Variants in MAP2 observed in about 807,000 individuals in gnomAD.
The protein encoded by MAP2 is microtubule-associated protein 2.
MAP2 carries 14 observed loss-of-function variants against 137.6 expected under a neutral mutation model. The observed-to-expected ratio is 0.10, with a 90% CI of 0.07 to 0.16. The LOEUF is 0.16. Ranked by LOEUF, MAP2 falls within the 10% of genes least tolerant of loss-of-function variation. The probability of loss-of-function intolerance (pLI) is 1.00; values close to 1 mark genes in which losing one functional copy is unlikely to be tolerated. For synonymous variants in MAP2, 786 were observed against 782.3 expected, an observed-to-expected ratio of 1.00 and a Z score of -0.08; for missense variants, 2,088 against 2,191.5, an observed-to-expected ratio of 0.95 and a Z score of 0.94.
intron 1 of MAP2, among the ~76,000 whole-genome samples, chr2:209,433,342 T>C (rs1230866988): frequency 6.6e-6 from 1 of 152,016 alleles, no homozygotes; most frequent in Non-Finnish European, 1.5e-5. Flanking sequence ...AGGAAAAGCT[T>C]TCAAGTGAGA....
At chr2:209,729,790 TG>T in intron 14 of MAP2, 59 bp from the exon 15 acceptor site, 3 of 1,129,244 alleles carry the variant, frequency 2.7e-6, no homozygotes, top group Non-Finnish European at 4.0e-6. Context: ...CAGTCATTTT[TG>T]GGAAATAGTT....
chr2:209,433,157 A>G (rs572709758), intron 1 of MAP2, among the ~76,000 whole-genome samples: 1 of 152,302 alleles, frequency 6.6e-6, no homozygotes, highest in African/African-American at 2.4e-5. Context: ...TGGAGCTAAC[A>G]TTCTAGCAGC....
chr2:209,644,758 G>T (rs2094306076), intron 4 of MAP2, among the ~76,000 whole-genome samples: 1 of 151,386 alleles, frequency 6.6e-6, no homozygotes, highest in Non-Finnish European at 1.5e-5. Context: ...TTGCTATCAT[G>T]GTTTGGTTAT....
intron 1 of MAP2, among the ~76,000 whole-genome samples, chr2:209,495,232 G>T (rs1308546790): frequency 2.6e-5 from 4 of 152,218 alleles, no homozygotes; most frequent in Non-Finnish European, 5.9e-5. Flanking sequence ...CAGAGCACCT[G>T]GGGGAAGAGG....
chr2:209,694,609 A>C lies in MAP2; in HGVS notation c.2439A>C (p.Ala813=), dbSNP rs1328363506. The change falls in exon 8 of 16, where the codon GCA becomes GCC. Residue 813 remains alanine, a synonymous_variant. Transcript: ENST00000682079. ...ACCTTCCTGAAATGCTAGATCTGGC[A>C]GGCACAAGGTCAAGATTGGCTTCTG... ...APDLPEMLDL[A]GTRSRLASVS... The C allele has an allele frequency of 6.2e-7, 1 of 1,614,072 alleles. No homozygotes were observed. The highest frequency in any genetic ancestry group is 1.7e-5 in the Admixed American group (1 of 60,010).
intron 1 of MAP2, among the ~76,000 whole-genome samples, chr2:209,502,999 C>CTTTTT (rs71043931): frequency 4.6e-5 from 6 of 131,332 alleles, no homozygotes; most frequent in African/African-American, 8.6e-5. Context: ...GATTTTTTTT[C>CTTTTT]TTTTTTTTTT....
At chr2:209,478,872 A>G (rs1429926838) in intron 1 of MAP2, among the ~76,000 whole-genome samples, 1 of 152,166 alleles carries the variant, frequency 6.6e-6, no homozygotes, top group East Asian at 1.9e-4. Flanking sequence ...TTCTCCCTCT[A>G]ATGAAATAGG....
chr2:209,586,845 T>C (rs1579288920), intron 3 of MAP2, among the ~76,000 whole-genome samples: 1 of 152,052 alleles, frequency 6.6e-6, no homozygotes, highest in Non-Finnish European at 1.5e-5. Context: ...AAATGAGAAA[T>C]GATTGGAGGA....
chr2:209,607,422 T>A (rs1258109586), intron 3 of MAP2, among the ~76,000 whole-genome samples: 1 of 152,058 alleles, frequency 6.6e-6, no homozygotes, highest in Non-Finnish European at 1.5e-5. Context: ...AAATTAATGT[T>A]TCATTTGTTT....
intron 3 of MAP2, among the ~76,000 whole-genome samples, chr2:209,594,220 T>G (rs1366051534): frequency 6.6e-6 from 1 of 151,512 alleles, no homozygotes; most frequent in African/African-American, 2.4e-5. Context: ...GTAAGATCTT[T>G]GCACATCCAC....
chr2:209,436,186 G>T (rs187099664), intron 1 of MAP2, among the ~76,000 whole-genome samples: 57 of 150,902 alleles, frequency 3.8e-4, no homozygotes, highest in Non-Finnish European at 6.2e-4. Flanking sequence ...GTGTGTATAT[G>T]TATGTTAACA....
intron 4 of MAP2, among the ~76,000 whole-genome samples, chr2:209,638,944 T>C (rs2093788053): frequency 1.3e-5 from 2 of 152,200 alleles, no homozygotes; most frequent in Non-Finnish European, 2.9e-5. Context: ...TTGATAATGA[T>C]CTTAAAATTA....
intron 2 of MAP2, among the ~76,000 whole-genome samples, chr2:209,564,826 C>G (rs1205106697): frequency 6.6e-6 from 1 of 152,072 alleles, no homozygotes; most frequent in African/African-American, 2.4e-5. Context: ...CATTTCTGAG[C>G]TCCACTTCCA....
intron 5 of MAP2, among the ~76,000 whole-genome samples, chr2:209,659,817 T>C (rs1174107204): frequency 7.3e-5 from 11 of 151,578 alleles, no homozygotes; most frequent in Admixed American, 7.2e-4. Flanking sequence ...GGCGGGTGGA[T>C]CACGAGGTCA....
intron 2 of MAP2, among the ~76,000 whole-genome samples, chr2:209,532,727 A>G (rs1197343809): frequency 1.3e-5 from 2 of 152,234 alleles, no homozygotes; most frequent in Non-Finnish European, 1.5e-5. Flanking sequence ...TCAAGACCAC[A>G]AAATAACCTC....
At chr2:209,669,654 T>A (rs1181795678) in intron 5 of MAP2, among the ~76,000 whole-genome samples, 1 of 152,000 alleles carries the variant, frequency 6.6e-6, no homozygotes, top group African/African-American at 2.4e-5. Flanking sequence ...ATAGAAGCAT[T>A]GATTTCTCCA....
At chr2:209,723,824 A>T (rs756458709) in intron 13 of MAP2, 42 of 613,624 alleles carry the variant, frequency 6.8e-5, no homozygotes, top group Admixed American at 1.1e-4. Context: ...CCCTGGTATG[A>T]TAGCTTGTAG....
intron 1 of MAP2, among the ~76,000 whole-genome samples, chr2:209,466,963 G>A (rs567363533): frequency 6.6e-6 from 1 of 152,106 alleles, no homozygotes; most frequent in South Asian, 2.1e-4. Flanking sequence ...ATTTTCTCTT[G>A]AGTGTGCCAC....
chr2:209,580,780 A>G (rs947854516), intron 3 of MAP2, among the ~76,000 whole-genome samples: 11 of 152,226 alleles, frequency 7.2e-5, no homozygotes, highest in Non-Finnish European at 1.6e-4. Flanking sequence ...GAAAAACATT[A>G]ATTTTGAAAT....
Sources: gnomAD v4.1 joint callset for allele counts (sites outside exome capture counted in the v4.1 genomes callset) on GRCh38, gnomAD v4.1.1 for gene constraint, MANE v1.5 for transcripts, NCBI Gene and HGNC (gene_info 2026-07-23, HGNC 2026-07-21) for gene names.